Variants in STAC observed in about 807,000 individuals in gnomAD.
STAC encodes SH3 and cysteine rich domain.
STAC carries 43 observed loss-of-function variants against 48.8 expected under a neutral mutation model. The ratio of observed to expected loss-of-function variants is 0.88; its 90% CI spans 0.69 to 1.14. The LOEUF is 1.14. Ranked by LOEUF, STAC falls within the 50% of genes most tolerant of loss-of-function variation. STAC has a pLI of 0.00. For synonymous variants in STAC, 193 were observed against 179.5 expected, an observed-to-expected ratio of 1.07 and a Z score of -0.60; for missense variants, 497 against 504.0, an observed-to-expected ratio of 0.99 and a Z score of 0.13.
chr3:36,492,359 C>A (rs1469297937), intron 5 of STAC, among the ~76,000 whole-genome samples: 1 of 152,076 alleles, frequency 6.6e-6, no homozygotes, highest in Non-Finnish European at 1.5e-5. Flanking sequence ...AGAGCACGAG[C>A]TCTGGAGGCA....
rs572837715 is a variant in STAC, at chr3:36,481,649, A to G, written c.389-1343A>G. Among the ~76,000 whole-genome samples the G allele has an allele frequency of 1.7e-4, 26 of 152,336 alleles. No individual in the cohort carries two copies. The East Asian group carries it at 4.8e-3, about 28-fold the overall frequency. On this transcript the variant is annotated intron_variant, in intron 2 of 10. Transcript: ENST00000273183. The stretch of plus-strand genomic sequence containing the variant: ...TTGTCTCTCCAGGTTGTCATCTTGC[A>G]TAGCATTCTACATAATCCATATCTG...
intron 6 of STAC, among the ~76,000 whole-genome samples, chr3:36,498,336 T>C (rs1246440302): frequency 2.0e-4 from 30 of 152,056 alleles, no homozygotes; most frequent in Non-Finnish European, 2.9e-5. Flanking sequence ...CCCTAAAATA[T>C]AGAACCAAAG....
At chr3:36,427,326 C>A (rs1282731765) in intron 1 of STAC, among the ~76,000 whole-genome samples, 1 of 152,188 alleles carries the variant, frequency 6.6e-6, no homozygotes. Context: ...TATGTGAAAT[C>A]TTTGCAAGTT....
chr3:36,511,037 T>C (rs1698526105), intron 8 of STAC, among the ~76,000 whole-genome samples: 1 of 151,702 alleles, frequency 6.6e-6, no homozygotes, highest in African/African-American at 2.4e-5. Flanking sequence ...TCAGAGTCAA[T>C]CAGGAACTAT....
At chr3:36,429,803 A>C (rs1700652610) in intron 1 of STAC, among the ~76,000 whole-genome samples, 1 of 152,156 alleles carries the variant, frequency 6.6e-6, no homozygotes, top group South Asian at 2.1e-4. Flanking sequence ...TGATACCTTC[A>C]CGTACCCACA....
intron 2 of STAC, among the ~76,000 whole-genome samples, chr3:36,453,125 C>T (rs1414400417): frequency 6.6e-6 from 1 of 152,246 alleles, no homozygotes; most frequent in Non-Finnish European, 1.5e-5. Flanking sequence ...ATCGTACTAC[C>T]ACATATTTCT....
At chr3:36,420,186 G>A (rs1421376451) in intron 1 of STAC, among the ~76,000 whole-genome samples, 1 of 152,118 alleles carries the variant, frequency 6.6e-6, no homozygotes, top group African/African-American at 2.4e-5. Flanking sequence ...AATAATGATA[G>A]GACCTACCAG....
intron 2 of STAC, among the ~76,000 whole-genome samples, chr3:36,479,077 A>G (rs1371755503): frequency 6.6e-6 from 1 of 152,046 alleles, no homozygotes; most frequent in Non-Finnish European, 1.5e-5. Context: ...TATGTACTGG[A>G]TCTGATATTT....
intron 6 of STAC, among the ~76,000 whole-genome samples, chr3:36,496,242 G>T (rs895272554): frequency 1.2e-4 from 18 of 152,198 alleles, no homozygotes; most frequent in Non-Finnish European, 2.5e-4. Flanking sequence ...TGAGAAGCTA[G>T]GTGGATTAAT....
intron 3 of STAC, among the ~76,000 whole-genome samples, chr3:36,483,385 T>C (rs1040277643): frequency 3.3e-5 from 5 of 152,194 alleles, no homozygotes; most frequent in Admixed American, 6.5e-5. Context: ...ATCCTGGGTC[T>C]GTTCAGGTTT....
At chr3:36,524,151 G>C (rs1271928792) in intron 8 of STAC, among the ~76,000 whole-genome samples, 2 of 152,098 alleles carry the variant, frequency 1.3e-5, no homozygotes, top group Non-Finnish European at 2.9e-5. Context: ...TCTAGAATGG[G>C]ACATTAGGGG....
chr3:36,481,892 C>A (rs1697657107), intron 2 of STAC, among the ~76,000 whole-genome samples: 1 of 152,196 alleles, frequency 6.6e-6, no homozygotes, highest in Non-Finnish European at 1.5e-5. Flanking sequence ...CTCCTTGAAA[C>A]CCTCTCAGGA....
rs1471187790 is a variant in STAC at position 36,484,970 on chromosome 3, T to A, written c.490-7T>A. ...TTAACCCCTTGCCTTCCTCATTCTC[T>A]CTCCAGCCAAAGGGGTTTCGGCGTT... On this transcript the variant is annotated splice_polypyrimidine_tract_variant and splice_region_variant and intron_variant, in intron 3 of 10. Transcript: ENST00000273183. 6.3e-7 allele frequency: 1 copy of A among 1,591,004 alleles called. No homozygotes were observed. The highest frequency in any genetic ancestry group is 8.6e-7 in the Non-Finnish European group (1 of 1,168,012).
chr3:36,430,505 C>T (rs2125652595), intron 1 of STAC, among the ~76,000 whole-genome samples: 2 of 152,280 alleles, frequency 1.3e-5, no homozygotes, highest in South Asian at 4.1e-4. Context: ...CTTTATTAAC[C>T]AGTGGAGCAT....
At chr3:36,398,689 GAAAA>G (rs1242436637) in intron 1 of STAC, among the ~76,000 whole-genome samples, 4 of 132,960 alleles carry the variant, frequency 3.0e-5, no homozygotes, top group African/African-American at 1.1e-4. Context: ...AAGAAAGAAA[GAAAA>G]GAAAGAAAGA....
intron 1 of STAC, among the ~76,000 whole-genome samples, chr3:36,433,527 T>C (rs1018144730): frequency 5.3e-5 from 8 of 152,350 alleles, no homozygotes; most frequent in Non-Finnish European, 7.3e-5. Flanking sequence ...TTCTGACATA[T>C]TAGAGTAGGC....
chr3:36,531,961 A>C (rs1398792096), intron 10 of STAC, among the ~76,000 whole-genome samples: 1 of 152,236 alleles, frequency 6.6e-6, no homozygotes, highest in Non-Finnish European at 1.5e-5. Flanking sequence ...AATTACTTTC[A>C]TGGTATATTT....
chr3:36,396,561 T>A (rs1380210772), intron 1 of STAC, among the ~76,000 whole-genome samples: 2 of 151,936 alleles, frequency 1.3e-5, no homozygotes, highest in African/African-American at 4.8e-5. Flanking sequence ...AGGAAAGGAG[T>A]CATCCGGGAG....
chr3:36,454,160 C>T (rs1001762617), intron 2 of STAC, among the ~76,000 whole-genome samples: 2 of 152,130 alleles, frequency 1.3e-5, no homozygotes, highest in African/African-American at 4.8e-5. Context: ...TCCTCTTCCA[C>T]GCTGTGGAAG....
Sources: gnomAD v4.1 joint callset for allele counts (sites outside exome capture counted in the v4.1 genomes callset) on GRCh38, gnomAD v4.1.1 for gene constraint, MANE v1.5 for transcripts, NCBI Gene and HGNC (gene_info 2026-07-23, HGNC 2026-07-21) for gene names.